Variants in FSTL1 observed in about 807,000 individuals in gnomAD.
The protein encoded by FSTL1 is follistatin-related protein 1.
A neutral mutation model predicts 45.9 loss-of-function variants in FSTL1; 24 were observed. The ratio of observed to expected loss-of-function variants is 0.52; its 90% confidence interval spans 0.38 to 0.74. The LOEUF is 0.74. FSTL1 is among the 30% of genes least tolerant of loss of function. FSTL1 has a pLI of 0.00. For missense variants in FSTL1, 340 were observed against 381.8 expected (o/e 0.89, Z 0.91); for synonymous variants, 120 against 137.6 (o/e 0.87, Z 0.89).
chr3:120,415,861 G>A (rs904959519), intron 3 of FSTL1, 62 bp downstream of exon 3: 5 of 882,870 alleles, frequency 5.7e-6, no homozygotes, highest in Non-Finnish European at 9.6e-6. Context: ...CTGATGGGTG[G>A]CTCCGCAAGG....
chr3:120,448,842 G>A (rs760629044), intron 2 of FSTL1, among the ~76,000 whole-genome samples: 1 of 152,196 alleles, frequency 6.6e-6, no homozygotes, highest in Non-Finnish European at 1.5e-5. Context: ...GCCTAGAATA[G>A]ATTCCAGACC....
intron 2 of FSTL1, among the ~76,000 whole-genome samples, chr3:120,431,583 G>A (rs2107666465): frequency 6.6e-6 from 1 of 152,190 alleles, no homozygotes; most frequent in Middle Eastern, 3.4e-3. Flanking sequence ...AGCACTTTGG[G>A]AGGCCAAGGC....
intron 2 of FSTL1, among the ~76,000 whole-genome samples, chr3:120,416,484 G>A (rs1324832075): frequency 2.6e-5 from 4 of 152,294 alleles, no homozygotes; most frequent in Middle Eastern, 3.4e-3. Context: ...CTGGAGGGGA[G>A]GAAGAGGGTG....
At chr3:120,398,698 T>C (rs1936756714) in intron 10 of FSTL1, among the ~76,000 whole-genome samples, 2 of 152,224 alleles carry the variant, frequency 1.3e-5, no homozygotes. Context: ...CCAAATAAAC[T>C]ATGTGTACTT....
rs375943067 is a variant in FSTL1 at position 120,404,078 on chromosome 3, T to C, written c.582-724A>G. On this transcript the variant is annotated intron_variant, in intron 7 of 10. Coordinates refer to ENST00000295633, the MANE Select transcript of FSTL1 (RefSeq NM_007085.5). ...TCAATCACTTACTACTCAAATGGAC[T>C]TGAGTTAGTTATTCAACTTTTCTGA... 6.6e-5 allele frequency among the ~76,000 whole-genome samples: 10 copies of C among 152,164 alleles called. No homozygotes were observed. The East Asian group carries it at 1.5e-3, about 24-fold the overall frequency.
intron 2 of FSTL1, among the ~76,000 whole-genome samples, chr3:120,431,105 G>C (rs1937470182): frequency 6.6e-6 from 1 of 152,070 alleles, no homozygotes; most frequent in South Asian, 2.1e-4. Flanking sequence ...CTGAGTACCT[G>C]GGATTATAGG....
intron 2 of FSTL1, among the ~76,000 whole-genome samples, chr3:120,416,651 C>T (rs2107658302): frequency 6.6e-6 from 1 of 152,300 alleles, no homozygotes; most frequent in South Asian, 2.1e-4. Flanking sequence ...ATTATCATCT[C>T]AAAGGGCAAA....
intron 2 of FSTL1, among the ~76,000 whole-genome samples, chr3:120,442,815 A>T (rs1937652936): frequency 6.9e-6 from 1 of 145,794 alleles, no homozygotes; most frequent in Admixed American, 6.7e-5. Context: ...AAAAAAGCAG[A>T]CTTGGAGACA....
chr3:120,450,732 C>T lies in FSTL1; in HGVS notation c.15G>A (p.Trp5Ter). MWKR[W>*]LALALALVAV... ...CCACCAGCGCGAGCGCGAGCGCGAG[C>T]CAGCGTTTCCACATCTGCGGAAGAG... Residue 5 changes from tryptophan (W) to a stop codon, truncating the protein, a stop_gained, in exon 2 of 11, where the codon TGG becomes TGA. Transcript: ENST00000295633. LOFTEE classifies it high-confidence loss of function. The T allele has an allele frequency of 6.3e-7, 1 of 1,579,498 alleles. No individual in the cohort carries two copies. Among genetic ancestry groups the T allele is most frequent in the Non-Finnish European group, 8.6e-7 (1 of 1,169,578 alleles).
intron 2 of FSTL1, among the ~76,000 whole-genome samples, chr3:120,443,193 G>A (rs1331025311): frequency 6.7e-6 from 1 of 149,604 alleles, no homozygotes; most frequent in Non-Finnish European, 1.5e-5. Context: ...TGCCCAAGTG[G>A]AGTCTTTCAA....
intron 3 of FSTL1, among the ~76,000 whole-genome samples, chr3:120,413,701 G>C (rs1384072527): frequency 2.0e-5 from 3 of 151,518 alleles, no homozygotes; most frequent in East Asian, 3.9e-4. Flanking sequence ...TTTAGTGGCA[G>C]AACTTGTCAG....
At chr3:120,405,145 G>A (rs1010637210) in intron 6 of FSTL1, among the ~76,000 whole-genome samples, 174 bp from the exon 7 acceptor site, 15 of 152,208 alleles carry the variant, frequency 9.9e-5, no homozygotes, top group Non-Finnish European at 1.5e-5. Flanking sequence ...ATGCAGAGAA[G>A]GTACCTGTGC....
rs561101161 is a variant in FSTL1 at position 120,418,607 on chromosome 3, G to A, written c.64-2580C>T. Among the ~76,000 whole-genome samples, 256 of 152,316 alleles carry A rather than the reference G, an allele frequency of 1.7e-3. 2 individuals carry two copies. Among genetic ancestry groups the A allele is most frequent in the South Asian group, 6.0e-3 (29 of 4,828 alleles). ...ATGACGTAAGGAAATTATGATGGGG[G>A]TGTGAGTTGCATAATTAGCAAGTGT... On this transcript the variant is annotated intron_variant, in intron 2 of 10. Coordinates refer to ENST00000295633, the MANE Select transcript of FSTL1 (RefSeq NM_007085.5).
chr3:120,450,031 A>AC (rs1937848364), intron 2 of FSTL1, among the ~76,000 whole-genome samples: 1 of 93,530 alleles, frequency 1.1e-5, no homozygotes, highest in Non-Finnish European at 3.2e-5. Flanking sequence ...AAAAATTGGT[A>AC]CAAAAAAACA....
chr3:120,400,283 G>C (rs1234743446), intron 9 of FSTL1, among the ~76,000 whole-genome samples: 1 of 152,160 alleles, frequency 6.6e-6, no homozygotes, highest in African/African-American at 2.4e-5. Flanking sequence ...ATTTCTCTGA[G>C]ACAATGACTC....
At chr3:120,401,451 G>A (rs1007264883) in intron 9 of FSTL1, among the ~76,000 whole-genome samples, 1 of 152,100 alleles carries the variant, frequency 6.6e-6, no homozygotes, top group African/African-American at 2.4e-5. Context: ...CTGTTCTCTA[G>A]GATCCTTGTC....
intron 2 of FSTL1, among the ~76,000 whole-genome samples, chr3:120,440,845 A>G (rs537543660): frequency 3.1e-4 from 47 of 152,300 alleles, no homozygotes; most frequent in African/African-American, 1.1e-3. Flanking sequence ...TGTAATGGTG[A>G]GAGAAGGAAA....
intron 10 of FSTL1, 66 bp from the exon 11 acceptor site, chr3:120,397,062 C>T (rs1936717140): frequency 8.0e-7 from 1 of 1,249,572 alleles, no homozygotes; most frequent in South Asian, 1.2e-5. Context: ...TTATCTGTTC[C>T]TCAAGACTAT....
rs1936621449 is a variant in FSTL1, at chr3:120,392,997, C to T, written c.*3955G>A. On this transcript the variant is annotated 3_prime_UTR_variant, in exon 11 of 11. Transcript: ENST00000295633. The stretch of plus-strand genomic sequence containing the variant: ...TGCTTAGTTTAATAATGTTGCACTT[C>T]CTGAATACATACATACTATAACAGC... 1 of 152,154 alleles carries T rather than the reference C, an allele frequency of 6.6e-6. No homozygotes were observed. Among genetic ancestry groups the T allele is most frequent in the Non-Finnish European group, 1.5e-5 (1 of 68,024 alleles). 9.4% of individuals were successfully genotyped at this position (152,154 alleles called of 1,614,324 possible). A position where few individuals can be genotyped will look rare whatever the true frequency, so the allele number is the denominator to read the frequency against.
Sources: gnomAD v4.1 joint callset for allele counts (sites outside exome capture counted in the v4.1 genomes callset) on GRCh38, gnomAD v4.1.1 for gene constraint, MANE v1.5 for transcripts, NCBI Gene and HGNC (gene_info 2026-07-23, HGNC 2026-07-21) for gene names.